The following IGDCC4 variants were observed in gnomAD, a reference collection of about 807,000 sequenced individuals.
IGDCC4 encodes the protein likely ortholog of mouse neighbor of Punc E11.
Under a neutral mutation model 116.6 loss-of-function variants are expected in IGDCC4, and 72 were observed. That is an observed-to-expected ratio of 0.62 (90% CI 0.51 to 0.75). The LOEUF (loss-of-function observed/expected upper bound fraction) is 0.75. Among genes scored for constraint, IGDCC4 ranks in the 30% least tolerant of loss-of-function variants. The pLI is 0.00. For missense variants in IGDCC4, 1,501 were observed against 1,662.4 expected (o/e 0.90, Z 1.69); for synonymous variants, 709 against 719.9 (o/e 0.98, Z 0.24).
At chr15:65,411,713 G>C (rs150219630) in intron 1 of IGDCC4, among the ~76,000 whole-genome samples, 1 of 152,350 alleles carries the variant, frequency 6.6e-6, no homozygotes, top group African/African-American at 2.4e-5. Context: ...TTGACGCTAA[G>C]TGAAGGAAGC....
In IGDCC4 at chr15:65,384,904, G is replaced by A; in HGVS notation, c.3342+50C>T. ...AGAACTCATTACTTCCTCTTCACAA[G>A]CACAGAGACCCTTTCCTCCTTTCCT... On this transcript the variant is annotated intron_variant, in intron 19 of 19. Transcript: ENST00000352385. This position sits in a 1 kb window ranked among gnomAD's most constrained non-coding sequence, Gnocchi z 4.9. 6.4e-7 allele frequency: 1 copy of A among 1,561,696 alleles called. No individual in the cohort carries two copies. Among genetic ancestry groups the A allele is most frequent in the Non-Finnish European group, 8.6e-7 (1 of 1,163,000 alleles).
chr15:65,422,832 CG>C lies in IGDCC4; in HGVS notation c.30del (p.Leu12SerfsTer4). MARGDAGRGRGLLALTFCLL... is the reference protein window; with the variant it reads MARGDAGRGXGLLALTFCLL... The stretch of plus-strand genomic sequence containing the variant: ...AGGCAGAAGGTCAACGCGAGGAGCC[CG>C]CGGCCGCGGCCGGCGTCCCCCCGCG... On this transcript the variant is annotated frameshift_variant, in exon 1 of 20. Coordinates refer to ENST00000352385, the MANE Select transcript of IGDCC4 (RefSeq NM_020962.3). LOFTEE classifies it high-confidence loss of function. 8.1e-7 allele frequency: 1 copy of C among 1,227,804 alleles called. No homozygotes were observed. The highest frequency in any genetic ancestry group is 2.8e-5 in the South Asian group (1 of 35,484). The allele number at this position is 1,227,804 out of a possible 1,614,324, so 76.1% of individuals were successfully genotyped here.
chr15:65,402,638 C>A, intron 3 of IGDCC4, 151 bp from the exon 4 acceptor site: 2 of 1,034,948 alleles, frequency 1.9e-6, no homozygotes, highest in Non-Finnish European at 2.7e-6. Flanking sequence ...GGAGGCGAGG[C>A]GGGCGAATCA....
intron 5 of IGDCC4, among the ~76,000 whole-genome samples, chr15:65,398,354 C>G (rs528158757): frequency 6.7e-6 from 1 of 150,188 alleles, no homozygotes; most frequent in Non-Finnish European, 1.5e-5. Flanking sequence ...GCTAACATGG[C>G]AAAACCCCAT....
At chr15:65,410,630 A>C (rs1243981841) in intron 2 of IGDCC4, 8 of 480,702 alleles carry the variant, frequency 1.7e-5, no homozygotes, top group African/African-American at 3.9e-5. Context: ...GAGCCCCCTA[A>C]GGGGTAAGGC....
chr15:65,404,493 A>G lies in IGDCC4; in HGVS notation c.564-2006T>C, dbSNP rs117671897. On this transcript the variant is annotated intron_variant, in intron 3 of 19. Coordinates refer to ENST00000352385, the MANE Select transcript of IGDCC4 (RefSeq NM_020962.3). Reference sequence around the variant, plus strand: ...CATCCATCTAACGTGCTCTTCCTCCAAGACCTTTCTTTCTCCTCTTTTCCT... The same window carrying G: ...CATCCATCTAACGTGCTCTTCCTCCGAGACCTTTCTTTCTCCTCTTTTCCT... Among the ~76,000 whole-genome samples the G allele has an allele frequency of 9.6e-3, 1,458 of 152,210 alleles. 12 individuals are homozygous for G. The highest frequency in any genetic ancestry group is 0.013 in the Non-Finnish European group (884 of 68,006).
chr15:65,385,809 G>T lies in IGDCC4; in HGVS notation c.3180+22C>A, dbSNP rs755643667. The T allele has an allele frequency of 1.9e-6, 3 of 1,569,522 alleles. No individual in the cohort carries two copies. In the South Asian group the frequency reaches 3.3e-5, roughly 17 times the overall value. ...CTGGTGTCCTATTTAGAAAAGAGCC[G>T]CAATGTGGGGCTCTGACTTACCTTT... On this transcript the variant is annotated intron_variant, in intron 18 of 19. Coordinates refer to ENST00000352385, the MANE Select transcript of IGDCC4 (RefSeq NM_020962.3).
intron 16 of IGDCC4, 81 bp downstream of exon 16, chr15:65,388,368 A>T: frequency 6.3e-7 from 1 of 1,588,152 alleles, no homozygotes; most frequent in Non-Finnish European, 8.6e-7. Flanking sequence ...CAGCTGTGCA[A>T]AACAATGAAA....
intron 1 of IGDCC4, among the ~76,000 whole-genome samples, chr15:65,416,934 C>G (rs925402826): frequency 6.6e-6 from 1 of 152,112 alleles, no homozygotes; most frequent in Non-Finnish European, 1.5e-5. Flanking sequence ...AATGCTGTTT[C>G]GTGGGATTAG....
chr15:65,414,764 C>T (rs1285543501), intron 1 of IGDCC4, among the ~76,000 whole-genome samples: 1 of 152,216 alleles, frequency 6.6e-6, no homozygotes, highest in Non-Finnish European at 1.5e-5. Context: ...GCCTCAGCCT[C>T]CTATGTAGCT....
At chr15:65,402,000 A>G (rs762020184) in intron 4 of IGDCC4, among the ~76,000 whole-genome samples, 1 of 152,012 alleles carries the variant, frequency 6.6e-6, no homozygotes. Context: ...AGGGCAGGAG[A>G]GAAAGGGGCA....
chr15:65,395,690 C>A, intron 7 of IGDCC4, 60 bp downstream of exon 7: 3 of 1,390,806 alleles, frequency 2.2e-6, no homozygotes, highest in East Asian at 2.8e-5. Flanking sequence ...CGACCTGAAC[C>A]CCTTCTGGCT....
chr15:65,400,444 G>C (rs1281432000), intron 5 of IGDCC4, among the ~76,000 whole-genome samples: 1 of 152,186 alleles, frequency 6.6e-6, no homozygotes, highest in African/African-American at 2.4e-5. Flanking sequence ...TGGCTGTGTG[G>C]CACCTTCCCA....
chr15:65,410,618 G>A (rs2063082010), intron 2 of IGDCC4: 1 of 494,122 alleles, frequency 2.0e-6, no homozygotes, highest in African/African-American at 1.9e-5. Flanking sequence ...TGTGCCTCCT[G>A]AGAGCCCCCT....
chr15:65,410,657 G>A lies in IGDCC4; in HGVS notation c.422-338C>T, dbSNP rs184193749. The A allele has an allele frequency of 8.9e-4, 407 of 458,566 alleles. 4 individuals are homozygous for A. In the Admixed American group the frequency reaches 0.014, roughly 15 times the overall value. 28.4% of individuals were successfully genotyped at this position (458,566 alleles called of 1,614,324 possible). A position where few individuals can be genotyped will look rare whatever the true frequency, so the allele number is the denominator to read the frequency against. ...GGGTAAGGCTGGAGCGTGGGGTTTG[G>A]CTCCACATGTTCCACCTGCCGTGCA... On this transcript the variant is annotated intron_variant, in intron 2 of 19. Coordinates refer to ENST00000352385, the MANE Select transcript of IGDCC4 (RefSeq NM_020962.3).
rs542095048 is a variant in IGDCC4, at chr15:65,392,036, G to A, written c.2123-55C>T. Reference sequence around the variant, plus strand: ...GGGGGACATCTGGGGTCACTCTCCCGTCCACAGAGAGCATCCCATCTCTAA... The same window carrying A: ...GGGGGACATCTGGGGTCACTCTCCCATCCACAGAGAGCATCCCATCTCTAA... On this transcript the variant is annotated intron_variant, in intron 11 of 19. Transcript: ENST00000352385. The A allele has an allele frequency of 5.0e-4, 770 of 1,554,104 alleles. 4 individuals are homozygous for A. Among genetic ancestry groups the A allele is most frequent in the Middle Eastern group, 4.5e-3 (26 of 5,772 alleles).
Position 65,392,149 on chromosome 15 carries a change from C to A in IGDCC4, c.2107G>T (p.Glu703Ter). Residue 703 changes from glutamate to a stop codon, truncating the protein, a stop_gained, in exon 11 of 20, where the codon GAG becomes TAG. Coordinates refer to ENST00000352385, the MANE Select transcript of IGDCC4 (RefSeq NM_020962.3). LOFTEE classifies it high-confidence loss of function. ...VRLKKKVKQY[E>*]LTQLVPGRLY... ...CCCTCCTCACCTAGCTGGGTCAGCT[C>A]ATACTGCTTCACTTTCTTCTTGAGC... 3 of 1,610,702 alleles carry A rather than the reference C, an allele frequency of 1.9e-6. No individual in the cohort carries two copies. The highest frequency in any genetic ancestry group is 2.5e-6 in the Non-Finnish European group (3 of 1,178,386).
intron 16 of IGDCC4, among the ~76,000 whole-genome samples, chr15:65,387,654 T>C (rs1218017060): frequency 6.6e-6 from 1 of 151,402 alleles, no homozygotes; most frequent in Non-Finnish European, 1.5e-5. Flanking sequence ...CGCCTGGCCG[T>C]CCGACCTCTA....
chr15:65,404,935 C>A (rs2063025744), intron 3 of IGDCC4, among the ~76,000 whole-genome samples: 1 of 151,932 alleles, frequency 6.6e-6, no homozygotes, highest in Non-Finnish European at 1.5e-5. Flanking sequence ...ATCTGTAGTT[C>A]CAGCTATTCA....
Sources: allele counts gnomAD v4.1 joint callset (sites outside exome capture counted in the v4.1 genomes callset), GRCh38; gene constraint gnomAD v4.1.1; non-coding constraint Gnocchi (gnomAD v3.1); transcripts MANE v1.5; gene names NCBI Gene and HGNC (gene_info 2026-07-23, HGNC 2026-07-21).